Variants in POP1 observed in about 807,000 individuals in gnomAD.
POP1 encodes the protein POP1 ribonuclease P/MRP subunit.
Under a neutral mutation model 102.2 loss-of-function variants are expected in POP1, and 75 were observed. The observed-to-expected ratio is 0.73, with a 90% CI of 0.61 to 0.89. The LOEUF (loss-of-function observed/expected upper bound fraction) is 0.89. POP1 is among the 40% of genes least tolerant of loss of function. POP1 has a pLI of 0.00. For synonymous variants in POP1, 436 were observed against 464.1 expected (o/e 0.94, Z 0.78); for missense variants, 1,116 against 1,267.4 (o/e 0.88, Z 1.81).
At chr8:98,140,964 T>C (rs1816687425) in intron 11 of POP1, 76 bp downstream of exon 11, 2 of 1,527,060 alleles carry the variant, frequency 1.3e-6, no homozygotes, top group Non-Finnish European at 1.8e-6. Flanking sequence ...GAGTTCTTTC[T>C]CTGACACCTC....
At chr8:98,123,553 C>G (rs537170059) in intron 2 of POP1, 74 bp downstream of exon 2, 3 of 1,406,466 alleles carry the variant, frequency 2.1e-6, no homozygotes, top group Non-Finnish European at 3.0e-6. Context: ...CTGAAGTGGG[C>G]GGTTCATGAG....
chr8:98,123,346 T>C lies in POP1; in HGVS notation c.9T>C (p.Asn3=), dbSNP rs1464661819. Residue 3 remains asparagine (N), a synonymous_variant, in exon 2 of 16, where the codon AAT becomes AAC. Transcript: ENST00000401707. ...TTACTTCCTTTCCAGAAATGTCAAA[T>C]GCAAAAGAAAGAAAACACGCCAAGA... MS[N]AKERKHAKKM... 6.2e-7 allele frequency: 1 copy of C among 1,613,782 alleles called. No homozygotes were observed. The highest frequency in any genetic ancestry group is 1.3e-5 in the African/African-American group (1 of 75,024).
At chr8:98,138,322 C>G (rs112401618) in intron 9 of POP1, among the ~76,000 whole-genome samples, 1 of 147,688 alleles carries the variant, frequency 6.8e-6, no homozygotes, top group Non-Finnish European at 1.5e-5. Context: ...TCTCCTCACC[C>G]TTCTACACTT....
At chr8:98,132,931 A>AAAAAATT (rs61354768) in intron 5 of POP1, among the ~76,000 whole-genome samples, 1 of 90,532 alleles carries the variant, frequency 1.1e-5, no homozygotes, top group African/African-American at 4.2e-5. Flanking sequence ...AAAAAAAAAA[A>AAAAAATT]TCTGGGTGTG....
At chr8:98,137,487 C>G (rs566215707) in intron 9 of POP1, among the ~76,000 whole-genome samples, 15 of 152,162 alleles carry the variant, frequency 9.9e-5, no homozygotes, top group African/African-American at 3.4e-4. Context: ...AGGGTTTCAC[C>G]ATGTTGGACA....
intron 9 of POP1, 54 bp from the exon 10 acceptor site, chr8:98,140,024 A>G (rs16896666): frequency 0.023 from 32,577 of 1,390,510 alleles, 2,072 homozygotes; most frequent in African/African-American, 0.23. Context: ...CCATGACAAA[A>G]TTATGAAGGT....
chr8:98,140,808 TG>T lies in POP1; in HGVS notation c.1517del (p.Gly506AspfsTer2). On this transcript the variant is annotated frameshift_variant, in exon 11 of 16. Coordinates refer to ENST00000401707, the MANE Select transcript of POP1 (RefSeq NM_001145860.2). LOFTEE classifies it high-confidence loss of function. ...SPAEIPAGTI[L>X]GLTVGDPRIN... ...GCAGAAATTCCGGCAGGTACTATTC[TG>T]GGACTGACAGTTGGGGATCCTCGAA... The T allele has an allele frequency of 1.2e-6, 2 of 1,614,004 alleles. No individual in the cohort carries two copies. Among genetic ancestry groups the T allele is most frequent in the Non-Finnish European group, 1.7e-6 (2 of 1,179,848 alleles).
intron 14 of POP1, among the ~76,000 whole-genome samples, chr8:98,153,825 C>T (rs145133245): frequency 1.6e-3 from 249 of 152,158 alleles, no homozygotes; most frequent in Admixed American, 2.5e-3. Flanking sequence ...TGTGAGTCAC[C>T]GTGCCCGGCC....
At chr8:98,150,453 G>A in intron 13 of POP1, 32 bp from the exon 14 acceptor site, 1 of 1,612,758 alleles carries the variant, frequency 6.2e-7, no homozygotes, top group Non-Finnish European at 8.5e-7. Flanking sequence ...TAAGTTGGTA[G>A]ACTGACAGTA....
chr8:98,144,520 C>A lies in POP1; in HGVS notation c.1595-2048C>A, dbSNP rs530554843. Among the ~76,000 whole-genome samples, 349 of 152,274 alleles carry A rather than the reference C, an allele frequency of 2.3e-3. 3 individuals carry two copies. The highest frequency in any genetic ancestry group is 8.2e-3 in the African/African-American group (342 of 41,556). On this transcript the variant is annotated intron_variant, in intron 11 of 15. Coordinates refer to ENST00000401707, the MANE Select transcript of POP1 (RefSeq NM_001145860.2). ...AAACTCCTAGGCTCAAGTGATCCTC[C>A]CATCTCAGCCTCCCAAAGTGCTAGG...
intron 8 of POP1, 37 bp from the exon 9 acceptor site, chr8:98,136,824 T>A: frequency 1.9e-6 from 3 of 1,608,728 alleles, no homozygotes; most frequent in Non-Finnish European, 2.6e-6. Flanking sequence ...TGTTGTGTGA[T>A]GAAAGTTTCC....
rs1816273429 is a variant in POP1, at chr8:98,128,397, A to G, written c.343A>G (p.Ile115Val). The G allele has an allele frequency of 6.2e-7, 1 of 1,614,034 alleles. No individual in the cohort carries two copies. Among genetic ancestry groups the G allele is most frequent in the African/African-American group, 1.3e-5 (1 of 74,922 alleles). The change falls in exon 4 of 16, where the codon ATC (isoleucine) becomes GTC (valine). Residue 115 changes from isoleucine (I) to valine (V), a missense_variant. Ile to Val is a conservative substitution (Grantham distance 29, BLOSUM62 3). Transcript: ENST00000401707. ...TTTTGCTCAAGCACGAGCTGCTGAA[A>G]TCAGTGCTATGTTAAAAGCTGTGAC... is the stretch of plus-strand genomic sequence containing the variant. ...STFAQARAAE[I>V]SAMLKAVTQK...
rs1342210101 is a variant in POP1, at chr8:98,157,636, C to G, written c.2440C>G (p.Gln814Glu). The G allele has an allele frequency of 6.2e-7, 1 of 1,614,086 alleles. No individual in the cohort carries two copies. Among genetic ancestry groups the G allele is most frequent in the African/African-American group, 1.3e-5 (1 of 74,932 alleles). ...ATGTAGGAGTAGAAAATTACTGAAG[C>G]AACTGTCAGCCTGGTGTGGGCCCAG... is the stretch of plus-strand genomic sequence containing the variant. ...CVLRSRKLLK[Q>E]LSAWCGPSSE... The change falls in exon 16 of 16, where the codon CAA (glutamine) becomes GAA (glutamate). Residue 814 changes from glutamine to glutamate, a missense_variant. Coordinates refer to ENST00000401707, the MANE Select transcript of POP1 (RefSeq NM_001145860.2).
intron 10 of POP1, 73 bp downstream of exon 10, chr8:98,140,262 A>C: frequency 8.7e-7 from 1 of 1,148,552 alleles, no homozygotes. Context: ...TTGGGCCTCC[A>C]ACATGTAGTA....
At chr8:98,130,585 G>A (rs974888803) in intron 5 of POP1, among the ~76,000 whole-genome samples, 1 of 152,166 alleles carries the variant, frequency 6.6e-6, no homozygotes, top group African/African-American at 2.4e-5. Flanking sequence ...AGGTGAGAGT[G>A]AAGAACTGGA....
At chr8:98,143,256 C>T (rs1816754108) in intron 11 of POP1, among the ~76,000 whole-genome samples, 1 of 152,224 alleles carries the variant, frequency 6.6e-6, no homozygotes. Context: ...TGTGCTGACT[C>T]AGCTGGGGAT....
At chr8:98,131,850 T>G (rs894593944) in intron 5 of POP1, among the ~76,000 whole-genome samples, 1 of 152,188 alleles carries the variant, frequency 6.6e-6, no homozygotes, top group South Asian at 2.1e-4. Context: ...TAGGAGTCTT[T>G]GATTTGAGAA....
At chr8:98,118,353 A>G (rs1815908361) in intron 1 of POP1, among the ~76,000 whole-genome samples, 1 of 151,946 alleles carries the variant, frequency 6.6e-6, no homozygotes, top group South Asian at 2.1e-4. Flanking sequence ...CTGAAATTCT[A>G]TTTTCTCTTT....
In POP1 at chr8:98,127,647, T is replaced by A. The variant is rs1816249357; in HGVS notation, c.195T>A (p.Ser65=). Residue 65 remains serine (S), a synonymous_variant, in exon 3 of 16, where the codon TCT becomes TCA. Transcript: ENST00000401707. ...GGCAAACCAGAGTCAACCCCCATTC[T>A]CTGCCTGACCCTGAAGTGAATGAGC... ...RQRQTRVNPH[S]LPDPEVNEQS... 6.2e-7 allele frequency: 1 copy of A among 1,614,056 alleles called. No homozygotes were observed. Among genetic ancestry groups the A allele is most frequent in the South Asian group, 1.1e-5 (1 of 91,086 alleles).
Sources: allele counts gnomAD v4.1 joint callset (sites outside exome capture counted in the v4.1 genomes callset), GRCh38; gene constraint gnomAD v4.1.1; transcripts MANE v1.5; gene names NCBI Gene and HGNC (gene_info 2026-07-23, HGNC 2026-07-21).